The following EPHA6 variants were observed in gnomAD, a reference collection of about 807,000 sequenced individuals.
EPHA6 encodes the protein ephrin type-A receptor 6.
In EPHA6, 50 loss-of-function variants were observed where a neutral mutation model predicts 112.0. That is an observed-to-expected ratio of 0.45 (90% CI 0.36 to 0.56). The LOEUF (loss-of-function observed/expected upper bound fraction) is 0.56. Among genes scored for constraint, EPHA6 ranks in the 20% least tolerant of loss-of-function variants. The probability of loss-of-function intolerance (pLI) is 0.00; values close to 1 mark genes in which losing one functional copy is unlikely to be tolerated. For missense variants in EPHA6, 1,280 were observed against 1,417.4 expected, an observed-to-expected ratio of 0.90 and a Z score of 1.56; for synonymous variants, 529 against 490.7, an observed-to-expected ratio of 1.08 and a Z score of -1.03.
intron 11 of EPHA6, among the ~76,000 whole-genome samples, chr3:97,567,382 TG>T (rs1296157877): frequency 6.6e-6 from 1 of 151,896 alleles, no homozygotes; most frequent in Admixed American, 6.6e-5. Context: ...TAGAATACAA[TG>T]GAAAAAAAAA....
At chr3:97,659,581 A>ATACAAACC (rs1287676739) in intron 14 of EPHA6, among the ~76,000 whole-genome samples, 5 of 151,926 alleles carry the variant, frequency 3.3e-5, no homozygotes, top group African/African-American at 1.2e-4. Flanking sequence ...AAACAGAGAG[A>ATACAAACC]TACAAACCCA....
chr3:97,332,358 T>A (rs994018837), intron 5 of EPHA6, among the ~76,000 whole-genome samples: 1 of 151,986 alleles, frequency 6.6e-6, no homozygotes, highest in Non-Finnish European at 1.5e-5. Flanking sequence ...AAGACAGGGA[T>A]GCCCTCTCTC....
intron 2 of EPHA6, among the ~76,000 whole-genome samples, chr3:96,880,522 C>T (rs1336590654): frequency 6.6e-6 from 1 of 151,880 alleles, no homozygotes; most frequent in Non-Finnish European, 1.5e-5. Flanking sequence ...ATTTTCCCCC[C>T]TTTTAAAAAA....
chr3:97,527,623 CTT>C (rs1002809142), intron 10 of EPHA6, among the ~76,000 whole-genome samples: 3 of 152,094 alleles, frequency 2.0e-5, no homozygotes, highest in African/African-American at 7.2e-5. Flanking sequence ...ATCACATACA[CTT>C]ACAGCCCAGA....
intron 5 of EPHA6, among the ~76,000 whole-genome samples, chr3:97,321,774 T>C (rs1294761908): frequency 6.6e-6 from 1 of 151,944 alleles, no homozygotes; most frequent in Non-Finnish European, 1.5e-5. Flanking sequence ...GGAAGAAGAG[T>C]CAACAAATTA....
rs921510314 is a variant in EPHA6 at position 97,577,262 on chromosome 3, T to C, written c.2387-15350T>C. Among the ~76,000 whole-genome samples, 5 of 152,250 alleles carry C rather than the reference T, an allele frequency of 3.3e-5. No homozygotes were observed. In the South Asian group the frequency reaches 1.0e-3, roughly 32 times the overall value. Reference sequence around the variant, plus strand: ...AAGTTCTGGAACTGGAAAATAAAATTGCAAAGGAAGAAAAGAAAATTTGCA... The same window carrying C: ...AAGTTCTGGAACTGGAAAATAAAATCGCAAAGGAAGAAAAGAAAATTTGCA... On this transcript the variant is annotated intron_variant, in intron 11 of 17. Coordinates refer to ENST00000389672, the MANE Select transcript of EPHA6 (RefSeq NM_001080448.3).
intron 3 of EPHA6, among the ~76,000 whole-genome samples, chr3:97,157,396 A>G (rs949059371): frequency 6.6e-6 from 1 of 152,264 alleles, no homozygotes; most frequent in Non-Finnish European, 1.5e-5. Context: ...ATAATTTGCT[A>G]GAAGAGTCAA....
chr3:96,889,772 C>T (rs541769116), intron 2 of EPHA6, among the ~76,000 whole-genome samples: 7 of 152,084 alleles, frequency 4.6e-5, no homozygotes, highest in South Asian at 2.1e-4. Flanking sequence ...CCACAAAATA[C>T]GAAAACTTAT....
intron 6 of EPHA6, among the ~76,000 whole-genome samples, chr3:97,418,509 C>T (rs1200910167): frequency 6.6e-6 from 1 of 152,082 alleles, no homozygotes; most frequent in African/African-American, 2.4e-5. Context: ...AGACTTAAAG[C>T]AGCTGTCTTA....
chr3:97,078,184 A>T (rs1451989620), intron 3 of EPHA6, among the ~76,000 whole-genome samples: 3 of 152,112 alleles, frequency 2.0e-5, no homozygotes, highest in African/African-American at 7.2e-5. Flanking sequence ...TGGCTGCATA[A>T]ATGTCTTCTT....
intron 14 of EPHA6, among the ~76,000 whole-genome samples, chr3:97,649,684 A>G (rs1308265135): frequency 6.6e-6 from 1 of 152,080 alleles, no homozygotes; most frequent in Non-Finnish European, 1.5e-5. Context: ...GAAAAACAAC[A>G]AAAATCCAAG....
chr3:97,736,305 T>C (rs181147509), intron 16 of EPHA6, among the ~76,000 whole-genome samples, 187 bp downstream of exon 16: 15 of 152,134 alleles, frequency 9.9e-5, no homozygotes. Flanking sequence ...AAATGGACTC[T>C]TTTAAAAAAA....
intron 10 of EPHA6, among the ~76,000 whole-genome samples, chr3:97,525,534 A>G (rs2092606198): frequency 6.6e-6 from 1 of 151,984 alleles, no homozygotes; most frequent in Non-Finnish European, 1.5e-5. Context: ...AGTTATTTTG[A>G]TGGTGTCATG....
chr3:96,822,930 G>T (rs535327410), intron 1 of EPHA6, among the ~76,000 whole-genome samples: 1 of 151,390 alleles, frequency 6.6e-6, no homozygotes, highest in South Asian at 2.1e-4. Flanking sequence ...ATAGAAACTT[G>T]CCTACTTGTG....
At chr3:96,873,444 C>T (rs906248411) in intron 2 of EPHA6, among the ~76,000 whole-genome samples, 5 of 152,010 alleles carry the variant, frequency 3.3e-5, no homozygotes, top group Non-Finnish European at 5.9e-5. Flanking sequence ...CAAAATAATA[C>T]GTTTTCAACT....
intron 4 of EPHA6, among the ~76,000 whole-genome samples, chr3:97,237,795 C>T (rs1371481398): frequency 6.6e-6 from 1 of 151,866 alleles, no homozygotes; most frequent in Non-Finnish European, 1.5e-5. Context: ...AAGTAATTTA[C>T]TCAAACATGA....
At chr3:97,571,119 T>C (rs993828444) in intron 11 of EPHA6, among the ~76,000 whole-genome samples, 2 of 152,180 alleles carry the variant, frequency 1.3e-5, no homozygotes, top group African/African-American at 4.8e-5. Context: ...AGTGCTGTTA[T>C]TGCATATAAA....
chr3:97,057,627 G>A lies in EPHA6; in HGVS notation c.1114+69634G>A, dbSNP rs187620699. On this transcript the variant is annotated intron_variant, in intron 3 of 17. Transcript: ENST00000389672. Reference sequence around the variant, plus strand: ...AAAGTATCAGGAGAGTTGTCTTATTGAGAGACATCAATAAATGCACCTACC... The same window carrying A: ...AAAGTATCAGGAGAGTTGTCTTATTAAGAGACATCAATAAATGCACCTACC... 3.6e-3 allele frequency among the ~76,000 whole-genome samples: 549 copies of A among 152,272 alleles called. 5 individuals are homozygous for A. Among genetic ancestry groups the A allele is most frequent in the Middle Eastern group, 0.014 (4 of 294 alleles).
At chr3:97,400,372 G>A (rs1040014907) in intron 5 of EPHA6, among the ~76,000 whole-genome samples, 5 of 151,652 alleles carry the variant, frequency 3.3e-5, no homozygotes, top group African/African-American at 1.2e-4. Context: ...AATATATTTT[G>A]AAGTCAGGCA....
Sources: gnomAD v4.1 joint callset for allele counts (sites outside exome capture counted in the v4.1 genomes callset) on GRCh38, gnomAD v4.1.1 for gene constraint, MANE v1.5 for transcripts, NCBI Gene and HGNC (gene_info 2026-07-23, HGNC 2026-07-21) for gene names.